Variants in ADAM22 observed in about 807,000 individuals in gnomAD.
ADAM22 encodes disintegrin and metalloproteinase domain-containing protein 22.
A neutral mutation model predicts 144.6 loss-of-function variants in ADAM22; 65 were observed. The observed-to-expected ratio is 0.45, with a 90% CI of 0.37 to 0.55. ADAM22 has a LOEUF of 0.55. Among genes scored for constraint, ADAM22 ranks in the 20% least tolerant of loss-of-function variants. ADAM22 has a pLI of 0.00. For missense variants in ADAM22, 974 were observed against 1,184.9 expected (o/e 0.82, Z 2.61); for synonymous variants, 391 against 412.6 (o/e 0.95, Z 0.63).
intron 3 of ADAM22, among the ~76,000 whole-genome samples, chr7:88,030,931 A>G (rs938353985): frequency 3.2e-4 from 49 of 152,230 alleles, no homozygotes; most frequent in African/African-American, 1.1e-3. Context: ...CCTGGCTAAC[A>G]CAGTGAAACC....
Position 88,134,767 on chromosome 7 carries a change from A to G in ADAM22, c.1168+348A>G, listed in dbSNP as rs201767069. On this transcript the variant is annotated intron_variant, in intron 13 of 31. Transcript: ENST00000413139. Reference sequence around the variant, plus strand: ...AGACGTACTGGTTTTTTTATGTTTTATTTAAAACATCTCTGAACATGGCCA... The same window carrying G: ...AGACGTACTGGTTTTTTTATGTTTTGTTTAAAACATCTCTGAACATGGCCA... 3.9e-5 allele frequency among the ~76,000 whole-genome samples: 6 copies of G among 152,064 alleles called. No homozygotes were observed. The East Asian group carries it at 1.2e-3, about 29-fold the overall frequency.
At chr7:87,993,228 C>A (rs886392462) in intron 3 of ADAM22, among the ~76,000 whole-genome samples, 1 of 152,180 alleles carries the variant, frequency 6.6e-6, no homozygotes, top group African/African-American at 2.4e-5. Flanking sequence ...AACCCTCTAA[C>A]TACTAAATGT....
chr7:88,098,901 C>G (rs2129486242), intron 4 of ADAM22, among the ~76,000 whole-genome samples: 1 of 152,172 alleles, frequency 6.6e-6, no homozygotes, highest in East Asian at 1.9e-4. Context: ...ACTACAAGAT[C>G]CTAGTGCTCA....
chr7:87,995,410 C>T (rs562960593), intron 3 of ADAM22, among the ~76,000 whole-genome samples: 7 of 152,280 alleles, frequency 4.6e-5, no homozygotes, highest in Non-Finnish European at 1.0e-4. Flanking sequence ...ACCATGTCTT[C>T]CTCATTTAAC....
chr7:88,165,768 G>T, intron 23 of ADAM22, 64 bp from the exon 24 acceptor site: 4 of 1,138,126 alleles, frequency 3.5e-6, no homozygotes, highest in Non-Finnish European at 5.0e-6. Context: ...AGAAATTAGT[G>T]TTTATTTTTC....
intron 3 of ADAM22, among the ~76,000 whole-genome samples, chr7:88,032,569 ATG>A (rs1800553770): frequency 6.6e-6 from 1 of 152,194 alleles, no homozygotes; most frequent in Non-Finnish European, 1.5e-5. Context: ...TAATGCTGGA[ATG>A]AGTTAAGACT....
At chr7:87,990,336 T>A (rs1352409094) in intron 3 of ADAM22, among the ~76,000 whole-genome samples, 2 of 152,206 alleles carry the variant, frequency 1.3e-5, no homozygotes, top group Non-Finnish European at 2.9e-5. Context: ...GACACTAACC[T>A]TTGCTCATTT....
intron 4 of ADAM22, among the ~76,000 whole-genome samples, chr7:88,091,192 G>T (rs774712037): frequency 6.6e-6 from 1 of 152,056 alleles, no homozygotes; most frequent in Non-Finnish European, 1.5e-5. Flanking sequence ...GTAATTTACT[G>T]TTAGTCATTT....
At chr7:88,054,415 T>A (rs984350442) in intron 3 of ADAM22, among the ~76,000 whole-genome samples, 1 of 152,164 alleles carries the variant, frequency 6.6e-6, no homozygotes, top group Admixed American at 6.5e-5. Context: ...TATTATATTA[T>A]TAGAAAGCTC....
At chr7:88,187,917 C>A (rs566195213) in intron 30 of ADAM22, among the ~76,000 whole-genome samples, 1 of 151,820 alleles carries the variant, frequency 6.6e-6, no homozygotes, top group East Asian at 2.0e-4. Flanking sequence ...TGCTTTTATA[C>A]CCCATCTTTC....
chr7:88,037,208 AT>A (rs1801727933), intron 3 of ADAM22, among the ~76,000 whole-genome samples: 1 of 152,172 alleles, frequency 6.6e-6, no homozygotes, highest in African/African-American at 2.4e-5. Flanking sequence ...GGGTAGATAC[AT>A]TTTTTATAGC....
Position 88,132,909 on chromosome 7 carries a change from T to A in ADAM22, c.1035T>A (p.Ile345=), listed in dbSNP as rs1156503759. Residue 345 remains isoleucine (I), a synonymous_variant, in exon 12 of 32, where the codon ATT becomes ATA. Coordinates refer to ENST00000413139, the MANE Select transcript of ADAM22 (RefSeq NM_001324418.2). ...FESSRSGAAY[I]GGICSLLKGG... ...GTAGCCGGAGCGGGGCAGCTTATAT[T>A]GGTGGGATTTGCTCGTTGCTGAAAG... 6.2e-7 allele frequency: 1 copy of A among 1,613,964 alleles called. No individual in the cohort carries two copies. The highest frequency in any genetic ancestry group is 8.5e-7 in the Non-Finnish European group (1 of 1,179,916).
intron 26 of ADAM22, among the ~76,000 whole-genome samples, chr7:88,174,218 CTA>C (rs1400769841): frequency 6.6e-6 from 1 of 152,078 alleles, no homozygotes; most frequent in Non-Finnish European, 1.5e-5. Context: ...GGATTATATT[CTA>C]TGTTTTCTTG....
chr7:88,107,198 CTTTTTTTTTTTT>C (rs561936408), intron 4 of ADAM22, among the ~76,000 whole-genome samples: 2 of 76,566 alleles, frequency 2.6e-5, no homozygotes, highest in East Asian at 4.1e-4. Context: ...GATTGAATTT[CTTTTTTTTTTTT>C]TTTTTTTTTT....
chr7:88,075,523 G>C, intron 3 of ADAM22, 103 bp from the exon 4 acceptor site: 1 of 913,332 alleles, frequency 1.1e-6, no homozygotes, highest in Admixed American at 1.9e-5. Flanking sequence ...GATTTGGGGG[G>C]CTTAAAGAAT....
intron 22 of ADAM22, among the ~76,000 whole-genome samples, chr7:88,160,522 A>G (rs1841298483): frequency 6.6e-6 from 1 of 152,172 alleles, no homozygotes; most frequent in African/African-American, 2.4e-5. Context: ...ACATAGACCA[A>G]TGGAACAGAA....
At chr7:88,170,713 T>C (rs909323837) in intron 25 of ADAM22, among the ~76,000 whole-genome samples, 3 of 151,970 alleles carry the variant, frequency 2.0e-5, no homozygotes, top group African/African-American at 7.2e-5. Flanking sequence ...GAAAACATTA[T>C]CCTTGATCTT....
intron 3 of ADAM22, among the ~76,000 whole-genome samples, chr7:88,010,563 G>C (rs1795122853): frequency 6.6e-6 from 1 of 152,030 alleles, no homozygotes; most frequent in African/African-American, 2.4e-5. Context: ...AGGCAGTGTG[G>C]GGTTCTATAG....
chr7:88,053,727 A>G (rs1046287358), intron 3 of ADAM22, among the ~76,000 whole-genome samples: 1 of 152,212 alleles, frequency 6.6e-6, no homozygotes, highest in African/African-American at 2.4e-5. Flanking sequence ...GAAATGTTTC[A>G]TTCTTTTTAA....
Sources: gnomAD v4.1 joint callset for allele counts (sites outside exome capture counted in the v4.1 genomes callset) on GRCh38, gnomAD v4.1.1 for gene constraint, MANE v1.5 for transcripts, NCBI Gene and HGNC (gene_info 2026-07-23, HGNC 2026-07-21) for gene names.